The following HSD17B4 variants were observed in gnomAD, a reference collection of about 807,000 sequenced individuals.
HSD17B4 encodes the protein peroxisomal multifunctional enzyme type 2.
HSD17B4 carries 70 observed loss-of-function variants against 101.0 expected under a neutral mutation model. That is an observed-to-expected ratio of 0.69 (90% CI 0.57 to 0.85). The LOEUF (loss-of-function observed/expected upper bound fraction) is 0.85. Ranked by LOEUF, HSD17B4 falls within the 40% of genes least tolerant of loss-of-function variation. The pLI is 0.00. For synonymous variants in HSD17B4, 347 were observed against 297.1 expected (o/e 1.17, Z -1.73); for missense variants, 984 against 892.4 (o/e 1.10, Z -1.31).
chr5:119,487,128 C>T (rs1190122581), intron 8 of HSD17B4: 1 of 152,082 alleles, frequency 6.6e-6, no homozygotes, highest in Non-Finnish European at 1.5e-5. Flanking sequence ...GTTTAGGACC[C>T]CATCTTGATG....
intron 17 of HSD17B4, among the ~76,000 whole-genome samples, chr5:119,523,851 A>G (rs10051019): frequency 0.18 from 27,894 of 152,018 alleles, 3,964 homozygotes; most frequent in East Asian, 0.42. Flanking sequence ...ATGTTTCTAA[A>G]TGAGCAATTG....
rs1449888136 is a variant in HSD17B4 at position 119,475,885 on chromosome 5, G to A, written c.349+15G>A. 6.4e-7 allele frequency: 1 copy of A among 1,557,662 alleles called. No individual in the cohort carries two copies. Among genetic ancestry groups the A allele is most frequent in the African/African-American group, 1.4e-5 (1 of 74,046 alleles). On this transcript the variant is annotated intron_variant, in intron 6 of 23. Transcript: ENST00000510025. ...TGAAGACTGGGGTAAGTTGTTTTTA[G>A]TATTTCTCTGGGGAACATACTTATC...
At chr5:119,501,544 T>G (rs1277922117) in intron 13 of HSD17B4, among the ~76,000 whole-genome samples, 1 of 152,166 alleles carries the variant, frequency 6.6e-6, no homozygotes, top group East Asian at 1.9e-4. Context: ...CAAAGTATTA[T>G]AAGAAAGGGA....
intron 22 of HSD17B4, among the ~76,000 whole-genome samples, chr5:119,534,357 A>G (rs1754365347): frequency 6.7e-6 from 1 of 148,610 alleles, no homozygotes; most frequent in Non-Finnish European, 1.5e-5. Flanking sequence ...TCTGGACTAA[A>G]TCCAAGCCTC....
At chr5:119,528,703 A>G (rs573562805) in intron 20 of HSD17B4, among the ~76,000 whole-genome samples, 2 of 152,304 alleles carry the variant, frequency 1.3e-5, no homozygotes, top group Non-Finnish European at 2.9e-5. Flanking sequence ...GATGAATAGT[A>G]TGTAAATAAT....
rs529913436 is a variant in HSD17B4 at position 119,539,216 on chromosome 5, GAA to G, written c.2121+2669_2121+2670del. Reference sequence around the variant, plus strand: ...GTCCATCAATGATAGACTGCATTAAGAAAATGTGGCACATACACACCATAGAA... The same window carrying G: ...GTCCATCAATGATAGACTGCATTAAGAATGTGGCACATACACACCATAGAA... On this transcript the variant is annotated intron_variant, in intron 23 of 23. Transcript: ENST00000510025. Among the ~76,000 whole-genome samples, 17 of 152,198 alleles carry G rather than the reference GAA, an allele frequency of 1.1e-4. No homozygotes were observed. In the East Asian group the frequency reaches 3.3e-3, roughly 29 times the overall value.
intron 8 of HSD17B4, among the ~76,000 whole-genome samples, chr5:119,485,125 C>G (rs150054162): frequency 3.3e-5 from 5 of 152,126 alleles, no homozygotes; most frequent in African/African-American, 4.8e-5. Flanking sequence ...TTTCTACCCC[C>G]CTGCTTCATA....
chr5:119,463,288 A>G (rs1221292514), intron 2 of HSD17B4, among the ~76,000 whole-genome samples: 1 of 152,144 alleles, frequency 6.6e-6, no homozygotes, highest in Admixed American at 6.5e-5. Flanking sequence ...CCATATCTTG[A>G]CTATTGTGAA....
At chr5:119,520,906 C>T (rs1753058997) in intron 17 of HSD17B4, among the ~76,000 whole-genome samples, 1 of 151,992 alleles carries the variant, frequency 6.6e-6, no homozygotes, top group Non-Finnish European at 1.5e-5. Flanking sequence ...TACTTTTTCC[C>T]CTCTTATTGT....
intron 1 of HSD17B4, among the ~76,000 whole-genome samples, chr5:119,455,918 A>G (rs1228817307): frequency 1.3e-5 from 2 of 152,128 alleles, no homozygotes; most frequent in African/African-American, 2.4e-5. Flanking sequence ...AGTCGCTGCT[A>G]TAGTCAGTTT....
intron 16 of HSD17B4, among the ~76,000 whole-genome samples, chr5:119,512,129 T>A (rs1002283252): frequency 2.0e-5 from 3 of 151,978 alleles, no homozygotes; most frequent in Non-Finnish European, 4.4e-5. Flanking sequence ...CAAAAAAGCT[T>A]AAAGATAGAT....
At chr5:119,459,372 C>G (rs1026965484) in intron 2 of HSD17B4, among the ~76,000 whole-genome samples, 2 of 152,134 alleles carry the variant, frequency 1.3e-5, no homozygotes, top group Non-Finnish European at 2.9e-5. Context: ...CCCTGCTTAC[C>G]ATATATGACT....
At position 119,456,350 on chromosome 5, in the gene HSD17B4, A is replaced by G. The variant is rs192005316; in HGVS notation, c.94A>G (p.Arg32Gly). The change falls in exon 2 of 24, where the codon AGA becomes GGA. Residue 32 changes from arginine to glycine, a missense_variant. Arg to Gly is a moderately radical substitution (Grantham distance 125). Transcript: ENST00000510025. ...AGCCTATGCCCTGGCTTTTGCAGAA[A>G]GAGGAGCGTTAGTTGTTGGTAAGTT... ...GRAYALAFAE[R>G]GALVVVNDLG... 1 of 1,609,356 alleles carries G rather than the reference A, an allele frequency of 6.2e-7. No homozygotes were observed. The highest frequency in any genetic ancestry group is 2.2e-5 in the East Asian group (1 of 44,872).
At chr5:119,520,595 G>T (rs929074620) in intron 17 of HSD17B4, among the ~76,000 whole-genome samples, 6 of 152,198 alleles carry the variant, frequency 3.9e-5, no homozygotes, top group Non-Finnish European at 7.3e-5. Flanking sequence ...TACAATTGTA[G>T]AACTCATCTT....
intron 17 of HSD17B4, among the ~76,000 whole-genome samples, chr5:119,520,153 GT>G (rs60212630): frequency 0.16 from 22,858 of 143,910 alleles, 2,389 homozygotes; most frequent in East Asian, 0.42. Flanking sequence ...ACTACTACCT[GT>G]TTTTTTTTTT....
intron 15 of HSD17B4, among the ~76,000 whole-genome samples, chr5:119,508,160 G>A (rs1751831792): frequency 6.6e-6 from 1 of 150,966 alleles, no homozygotes; most frequent in South Asian, 2.1e-4. Context: ...TCCAGATGTT[G>A]GCCAACACTT....
Position 119,527,134 on chromosome 5 carries a change from C to G in HSD17B4, c.1682C>G (p.Ala561Gly). 6.3e-7 allele frequency: 1 copy of G among 1,577,902 alleles called. No individual in the cohort carries two copies. The highest frequency in any genetic ancestry group is 8.7e-7 in the Non-Finnish European group (1 of 1,147,910). ...NDVSRFKAIK[A>G]RFAKPVYPGQ... ...TAACCCCACAATTCTTTTTTAAAGGCTCGTTTTGCAAAACCAGTATATCCA... is the reference window on the plus strand; with the variant it reads ...TAACCCCACAATTCTTTTTTAAAGGGTCGTTTTGCAAAACCAGTATATCCA... The change falls in exon 20 of 24, where the codon GCT (alanine) becomes GGT (glycine). Residue 561 changes from alanine (A) to glycine (G), a missense_variant and splice_region_variant. Ala to Gly is a moderately conservative substitution (Grantham distance 60, BLOSUM62 0). Transcript: ENST00000510025.
rs1184038732 is a variant in HSD17B4 at position 119,536,563 on chromosome 5, A to C, written c.2121+13A>C. 1.2e-6 allele frequency: 2 copies of C among 1,610,662 alleles called. No homozygotes were observed. Among genetic ancestry groups the C allele is most frequent in the Non-Finnish European group, 1.7e-6 (2 of 1,177,276 alleles). On this transcript the variant is annotated intron_variant, in intron 23 of 23. Transcript: ENST00000510025. ...TGACCCTCAGAAGGTAATGTTCTCA[A>C]ATGTTCATTTATTCATTGTTTTATT...
At chr5:119,530,726 T>C (rs2126892744) in intron 21 of HSD17B4, among the ~76,000 whole-genome samples, 1 of 150,382 alleles carries the variant, frequency 6.6e-6, no homozygotes, top group South Asian at 2.1e-4. Flanking sequence ...GGTGGCAGGC[T>C]CCTGTAATCC....
Sources: gnomAD v4.1 joint callset for allele counts (sites outside exome capture counted in the v4.1 genomes callset) on GRCh38, gnomAD v4.1.1 for gene constraint, MANE v1.5 for transcripts, NCBI Gene and HGNC (gene_info 2026-07-23, HGNC 2026-07-21) for gene names.